GABRB1: variants seen among roughly 807,000 people sequenced by gnomAD.
GABRB1 encodes the protein gamma-aminobutyric acid receptor subunit beta-1.
In GABRB1, 17 loss-of-function variants were observed where a neutral mutation model predicts 51.6. The ratio of observed to expected loss-of-function variants is 0.33; its 90% CI spans 0.23 to 0.49. GABRB1 has a LOEUF of 0.49. GABRB1 is among the 20% of genes least tolerant of loss of function. GABRB1 has a pLI of 0.99. For synonymous variants in GABRB1, 247 were observed against 218.9 expected (o/e 1.13, Z -1.14); for missense variants, 410 against 600.6 (o/e 0.68, Z 3.32).
chr4:47,138,283 G>A (rs926719181), intron 3 of GABRB1, among the ~76,000 whole-genome samples: 4 of 152,040 alleles, frequency 2.6e-5, no homozygotes, highest in Admixed American at 2.0e-4. Flanking sequence ...ATGTTCTGAA[G>A]GTGGCTTTTA....
intron 3 of GABRB1, among the ~76,000 whole-genome samples, chr4:47,151,063 C>T (rs1161713133): frequency 6.6e-6 from 1 of 151,872 alleles, no homozygotes; most frequent in Non-Finnish European, 1.5e-5. Context: ...GAGACTATTA[C>T]CATTAGTCTT....
In GABRB1 at chr4:47,047,936, A is replaced by G. The variant is rs369076422; in HGVS notation, c.240+15452A>G. On this transcript the variant is annotated intron_variant, in intron 3 of 8. Transcript: ENST00000295454. ...AAGGAGTGAGAAGATGCTGGAAGGA[A>G]CTACTAACAGTAGTTGGGAAGTGTA... 5.3e-5 allele frequency among the ~76,000 whole-genome samples: 8 copies of G among 152,244 alleles called. No individual in the cohort carries two copies. The South Asian group carries it at 1.2e-3, about 24-fold the overall frequency.
At chr4:47,057,825 C>T (rs529797452) in intron 3 of GABRB1, among the ~76,000 whole-genome samples, 29 of 152,304 alleles carry the variant, frequency 1.9e-4, no homozygotes, top group African/African-American at 7.0e-4. Context: ...GGAATAGTCA[C>T]TAGTGTTGAA....
intron 3 of GABRB1, among the ~76,000 whole-genome samples, chr4:47,085,896 C>G (rs1490680530): frequency 6.6e-6 from 1 of 152,208 alleles, no homozygotes; most frequent in Non-Finnish European, 1.5e-5. Context: ...AGACCAGAAG[C>G]TGCCAGGCCT....
intron 3 of GABRB1, among the ~76,000 whole-genome samples, chr4:47,127,593 T>C (rs1716215386): frequency 6.6e-6 from 1 of 151,888 alleles, no homozygotes; most frequent in South Asian, 2.1e-4. Flanking sequence ...TTCTCTCTCC[T>C]AGTGTCTTTA....
At chr4:47,232,052 A>T (rs1422729015) in intron 4 of GABRB1, among the ~76,000 whole-genome samples, 1 of 152,148 alleles carries the variant, frequency 6.6e-6, no homozygotes, top group East Asian at 1.9e-4. Context: ...TGTAAATATG[A>T]CTTCAAATTT....
chr4:47,001,329 A>C (rs1206637499), intron 1 of GABRB1, among the ~76,000 whole-genome samples: 3 of 151,730 alleles, frequency 2.0e-5, no homozygotes, highest in Admixed American at 6.6e-5. Context: ...TTTTTAGTAG[A>C]GATGTGGTTT....
intron 4 of GABRB1, among the ~76,000 whole-genome samples, chr4:47,272,080 C>G (rs902709720): frequency 6.6e-6 from 1 of 152,146 alleles, no homozygotes; most frequent in African/African-American, 2.4e-5. Context: ...ACCCGTGTTC[C>G]TCTCTTTTGG....
At chr4:47,337,421 G>C (rs1194599793) in intron 5 of GABRB1, among the ~76,000 whole-genome samples, 1 of 152,096 alleles carries the variant, frequency 6.6e-6, no homozygotes, top group Non-Finnish European at 1.5e-5. Flanking sequence ...AGGATATGGG[G>C]ATTTTACTTT....
At chr4:47,236,844 T>C (rs1181572404) in intron 4 of GABRB1, among the ~76,000 whole-genome samples, 1 of 152,154 alleles carries the variant, frequency 6.6e-6, no homozygotes, top group Non-Finnish European at 1.5e-5. Context: ...AAAGCTACAC[T>C]GAAATAACTT....
At chr4:47,423,372 C>T (rs1348142154) in intron 8 of GABRB1, among the ~76,000 whole-genome samples, 1 of 152,192 alleles carries the variant, frequency 6.6e-6, no homozygotes. Flanking sequence ...CTCTGAGGCC[C>T]CATAGGCATC....
chr4:47,275,319 A>G (rs1406365922), intron 4 of GABRB1, among the ~76,000 whole-genome samples: 2 of 152,152 alleles, frequency 1.3e-5, no homozygotes, highest in Non-Finnish European at 2.9e-5. Flanking sequence ...GAGGAGAGGA[A>G]GGGTTAAATT....
At chr4:47,415,696 C>T (rs746346381) in intron 8 of GABRB1, among the ~76,000 whole-genome samples, 2 of 152,172 alleles carry the variant, frequency 1.3e-5, no homozygotes, top group East Asian at 1.9e-4. Flanking sequence ...ACAGGTCAAA[C>T]GAATAGGCAT....
chr4:47,318,066 A>C (rs1315817685), intron 4 of GABRB1, among the ~76,000 whole-genome samples: 1 of 152,016 alleles, frequency 6.6e-6, no homozygotes, highest in Non-Finnish European at 1.5e-5. Context: ...TGTGACTAAA[A>C]ATTTTAAAGA....
chr4:47,384,224 A>G (rs1159566777), intron 5 of GABRB1, among the ~76,000 whole-genome samples: 2 of 152,118 alleles, frequency 1.3e-5, no homozygotes, highest in Non-Finnish European at 2.9e-5. Flanking sequence ...AATCTTTGTT[A>G]TATGTACACA....
intron 3 of GABRB1, among the ~76,000 whole-genome samples, chr4:47,083,028 C>T (rs561038338): frequency 9.2e-5 from 14 of 152,260 alleles, no homozygotes; most frequent in Non-Finnish European, 1.6e-4. Flanking sequence ...CCCTGACCTC[C>T]TCTGCTAAAG....
rs142335192 is a variant in GABRB1, at chr4:47,263,884, C to T, written c.462-56243C>T. Among the ~76,000 whole-genome samples, 6 of 152,064 alleles carry T rather than the reference C, an allele frequency of 3.9e-5. No homozygotes were observed. The East Asian group carries it at 5.8e-4, about 15-fold the overall frequency. ...ATGTTCTATTAAACATCAGTGTTCA[C>T]ACTTGTAATCCCAGCACTTTGGGAG... On this transcript the variant is annotated intron_variant, in intron 4 of 8. Coordinates refer to ENST00000295454, the MANE Select transcript of GABRB1 (RefSeq NM_000812.4).
intron 3 of GABRB1, among the ~76,000 whole-genome samples, chr4:47,053,924 C>T (rs929023284): frequency 6.6e-6 from 1 of 152,164 alleles, no homozygotes; most frequent in Non-Finnish European, 1.5e-5. Context: ...CTGATTGTTG[C>T]ACGTGCATTG....
At chr4:46,997,742 G>A (rs199575315) in intron 1 of GABRB1, among the ~76,000 whole-genome samples, 24 of 99,734 alleles carry the variant, frequency 2.4e-4, no homozygotes, top group African/African-American at 7.4e-4. Context: ...ATGCACACAC[G>A]TATATATATA....
Sources: gnomAD v4.1 joint callset for allele counts (sites outside exome capture counted in the v4.1 genomes callset) on GRCh38, gnomAD v4.1.1 for gene constraint, MANE v1.5 for transcripts, NCBI Gene and HGNC (gene_info 2026-07-23, HGNC 2026-07-21) for gene names.